Variants in WDTC1 observed in about 807,000 individuals in gnomAD.
WDTC1 encodes WD and tetratricopeptide repeats 1.
WDTC1 carries 12 observed loss-of-function variants against 76.0 expected under a neutral mutation model. The ratio of observed to expected loss-of-function variants is 0.16; its 90% CI spans 0.10 to 0.26. The LOEUF (loss-of-function observed/expected upper bound fraction) is 0.26. WDTC1 is among the 10% of genes least tolerant of loss of function. The pLI is 1.00. For missense variants in WDTC1, 511 were observed against 908.8 expected, an observed-to-expected ratio of 0.56 and a Z score of 5.63; for synonymous variants, 326 against 350.8, an observed-to-expected ratio of 0.93 and a Z score of 0.79.
chr1:27,261,099 C>A lies in WDTC1; in HGVS notation c.45C>A (p.Ile15=). 6.2e-7 allele frequency: 1 copy of A among 1,614,048 alleles called. No homozygotes were observed. The highest frequency in any genetic ancestry group is 8.5e-7 in the Non-Finnish European group (1 of 1,179,956). ...NITRDLIRRQ[I]KERGALSFER... The stretch of plus-strand genomic sequence containing the variant: ...CTAGAGACCTCATCCGTAGGCAGAT[C>A]AAGGTAAGCAGCCCAGACTTCTGCA... The change falls in exon 2 of 16, where the codon ATC becomes ATA. Residue 15 remains isoleucine (I), a synonymous_variant. Transcript: ENST00000319394.
chr1:27,237,311 A>G (rs1365336909), intron 1 of WDTC1, among the ~76,000 whole-genome samples: 2 of 152,110 alleles, frequency 1.3e-5, no homozygotes, highest in African/African-American at 4.8e-5. Flanking sequence ...TGTTGCTGAC[A>G]TGTGCAGTTC....
intron 3 of WDTC1, among the ~76,000 whole-genome samples, chr1:27,279,156 TACTA>T (rs1429597627): frequency 6.6e-6 from 1 of 152,238 alleles, no homozygotes; most frequent in Admixed American, 6.5e-5. Flanking sequence ...TCTCTTACCC[TACTA>T]GAGTTCTCTT....
intron 3 of WDTC1, among the ~76,000 whole-genome samples, chr1:27,279,833 T>G (rs759310705): frequency 1.3e-5 from 2 of 152,210 alleles, no homozygotes; most frequent in African/African-American, 4.8e-5. Context: ...CCCAAAGTGC[T>G]GAGATTACTG....
At chr1:27,246,470 T>C (rs1216962429) in intron 1 of WDTC1, among the ~76,000 whole-genome samples, 3 of 152,242 alleles carry the variant, frequency 2.0e-5, no homozygotes, top group Admixed American at 6.5e-5. Context: ...TATTCATCAA[T>C]TGATGGCCAT....
chr1:27,268,881 A>AT (rs1157877498), intron 3 of WDTC1, among the ~76,000 whole-genome samples: 1 of 150,026 alleles, frequency 6.7e-6, no homozygotes, highest in African/African-American at 2.5e-5. Flanking sequence ...CACCCAGCTA[A>AT]TTTTTGTATT....
At position 27,305,199 on chromosome 1, in the gene WDTC1, G is replaced by C. The variant is rs778832158; in HGVS notation, c.1836+6G>C. On this transcript the variant is annotated splice_donor_region_variant and intron_variant, in intron 15 of 15. Transcript: ENST00000319394. The surrounding 1 kb of genome is among the most constrained non-coding windows in gnomAD (Gnocchi z 4.6). ...TCTGGAACCCCCGACCAGAGGTGAG[G>C]GTGCAGAGCCAAGCAGAGAGGAGGG... 1 of 1,612,724 alleles carries C rather than the reference G, an allele frequency of 6.2e-7. No individual in the cohort carries two copies.
At chr1:27,294,249 C>A in intron 8 of WDTC1, 133 bp downstream of exon 8, 1 of 939,464 alleles carries the variant, frequency 1.1e-6, no homozygotes, top group Non-Finnish European at 1.6e-6. Flanking sequence ...AGTTTTAATC[C>A]CAACTCTGCC....
intron 3 of WDTC1, among the ~76,000 whole-genome samples, chr1:27,275,791 T>G (rs2013007694): frequency 6.6e-6 from 1 of 152,136 alleles, no homozygotes; most frequent in Admixed American, 6.6e-5. Flanking sequence ...TGGTTTTGAC[T>G]ATTCACAAAC....
At chr1:27,265,140 GT>G (rs1280824113) in intron 3 of WDTC1, among the ~76,000 whole-genome samples, 1 of 152,058 alleles carries the variant, frequency 6.6e-6, no homozygotes, top group Non-Finnish European at 1.5e-5. Flanking sequence ...TACTTGTTGA[GT>G]TTTGGCATAG....
chr1:27,264,147 G>T (rs2012581618), intron 3 of WDTC1, among the ~76,000 whole-genome samples: 1 of 152,074 alleles, frequency 6.6e-6, no homozygotes, highest in Non-Finnish European at 1.5e-5. Flanking sequence ...AATTAGTCAG[G>T]CATGGTGGTG....
In WDTC1 at chr1:27,303,283, C is replaced by CCATTCTCT. The variant is rs1269989977; in HGVS notation, c.1469-336_1469-329dup. ...TCTCAAAAAAAAAAAAAAAAGTCAT[C>CCATTCTCT]CATTCTCTCTTTGCTAGTGCCTCAC... is the stretch of plus-strand genomic sequence containing the variant. On this transcript the variant is annotated intron_variant, in intron 13 of 15. Transcript: ENST00000319394. The surrounding 1 kb of genome is among the most constrained non-coding windows in gnomAD (Gnocchi z 4.8). 6.6e-6 allele frequency among the ~76,000 whole-genome samples: 1 copy of CCATTCTCT among 151,338 alleles called. No homozygotes were observed. The highest frequency in any genetic ancestry group is 1.9e-4 in the East Asian group (1 of 5,146).
chr1:27,298,230 A>G, intron 12 of WDTC1, 119 bp downstream of exon 12: 1 of 1,297,938 alleles, frequency 7.7e-7, no homozygotes, highest in Non-Finnish European at 1.0e-6. Flanking sequence ...GCAAGAACAT[A>G]TTGCTGCCTC....
At chr1:27,261,496 T>C (rs1300980108) in intron 2 of WDTC1, among the ~76,000 whole-genome samples, 1 of 152,208 alleles carries the variant, frequency 6.6e-6, no homozygotes, top group African/African-American at 2.4e-5. Context: ...TAGTCCCAGT[T>C]CAGCTTGTAT....
In WDTC1 at chr1:27,306,907, T is replaced by G; in HGVS notation, c.*524T>G. 1 of 161,120 alleles carries G rather than the reference T, an allele frequency of 6.2e-6. No homozygotes were observed. The allele number at this position is 161,120 out of a possible 1,614,324, so 10.0% of individuals were successfully genotyped here. A position where few individuals can be genotyped will look rare whatever the true frequency, so the allele number is the denominator to read the frequency against. ...ACCCTCCCTCCAGAGCCACCAGTGT[T>G]AGAGCGGAGCCCAAAGGAAGGATGG... On this transcript the variant is annotated 3_prime_UTR_variant, in exon 16 of 16. Transcript: ENST00000319394. This position sits in a 1 kb window ranked among gnomAD's most constrained non-coding sequence, Gnocchi z 5.0.
In WDTC1 at chr1:27,274,310, A is replaced by G. The variant is rs951405023; in HGVS notation, c.133-7929A>G. ...GTCTTTAAAAAAGAGAGAGAGAGAGAGGGAAAGAAAAAAGAAAAGAAAATA... is the reference window on the plus strand; with the variant it reads ...GTCTTTAAAAAAGAGAGAGAGAGAGGGGGAAAGAAAAAAGAAAAGAAAATA... On this transcript the variant is annotated intron_variant, in intron 3 of 15. Transcript: ENST00000319394. The surrounding 1 kb of genome is among the most constrained non-coding windows in gnomAD (Gnocchi z 4.2). Among the ~76,000 whole-genome samples the G allele has an allele frequency of 7.9e-5, 12 of 151,796 alleles. No individual in the cohort carries two copies. Among genetic ancestry groups the G allele is most frequent in the Admixed American group, 1.3e-4 (2 of 15,202 alleles).
intron 1 of WDTC1, among the ~76,000 whole-genome samples, chr1:27,258,187 C>G (rs1034806372): frequency 2.0e-5 from 3 of 151,102 alleles, no homozygotes; most frequent in Non-Finnish European, 4.4e-5. Flanking sequence ...TTGCTTGAGC[C>G]TAGGAGTTTG....
At position 27,296,399 on chromosome 1, in the gene WDTC1, G is replaced by C. The variant is rs751080101; in HGVS notation, c.947G>C (p.Gly316Ala). The change falls in exon 10 of 16, where the codon GGG (glycine) becomes GCG (alanine). Residue 316 changes from glycine to alanine, a missense_variant and splice_region_variant. Transcript: ENST00000319394. ...FLLPRKCHSS[G>A]EVQNGKMSTN... ...TTGCCTAGAAAATGCCACTCCTCGG[G>C]GGGTAAGTTCTCCCTTAGGGTATCT... 1.6e-5 allele frequency: 26 copies of C among 1,613,942 alleles called. No individual in the cohort carries two copies. The highest frequency in any genetic ancestry group is 1.6e-4 in the Middle Eastern group (1 of 6,084).
Position 27,304,935 on chromosome 1 carries a change from C to T in WDTC1, c.1644-66C>T, listed in dbSNP as rs2013916454. ...TTGCTCCCCCTTTACCTAGGCCATG[C>T]AGCCTCTACTTGAGGCTGTAGGGCA... On this transcript the variant is annotated intron_variant, in intron 14 of 15. Coordinates refer to ENST00000319394, the MANE Select transcript of WDTC1 (RefSeq NM_001276252.2). 2.0e-6 allele frequency: 3 copies of T among 1,497,360 alleles called. No individual in the cohort carries two copies. In the Admixed American group the frequency reaches 6.2e-5, roughly 31 times the overall value. 92.8% of individuals were successfully genotyped at this position (1,497,360 alleles called of 1,614,324 possible).
At chr1:27,278,979 T>C (rs2013116926) in intron 3 of WDTC1, among the ~76,000 whole-genome samples, 1 of 152,180 alleles carries the variant, frequency 6.6e-6, no homozygotes. Flanking sequence ...AGAGAATTAC[T>C]TGAACCTGGG....
Sources: gnomAD v4.1 joint callset for allele counts (sites outside exome capture counted in the v4.1 genomes callset) on GRCh38, gnomAD v4.1.1 for gene constraint, Gnocchi (gnomAD v3.1) non-coding constraint, MANE v1.5 for transcripts, NCBI Gene and HGNC (gene_info 2026-07-23, HGNC 2026-07-21) for gene names.